CPSF3: variants seen among roughly 807,000 people sequenced by gnomAD.
CPSF3 encodes the protein cleavage and polyadenylation specificity factor subunit 3.
Under a neutral mutation model 84.1 loss-of-function variants are expected in CPSF3, and 57 were observed. The observed-to-expected ratio is 0.68, with a 90% CI of 0.55 to 0.85. The LOEUF (loss-of-function observed/expected upper bound fraction) is 0.85, where lower values mean the gene tolerates loss of function less well. Ranked by LOEUF, CPSF3 falls within the 40% of genes least tolerant of loss-of-function variation. The pLI is 0.00. For missense variants in CPSF3, 522 were observed against 838.8 expected (o/e 0.62, Z 4.66); for synonymous variants, 275 against 278.1 (o/e 0.99, Z 0.11).
Position 9,457,056 on chromosome 2 carries a change from G to T in CPSF3, c.1698+29G>T, listed in dbSNP as rs543094913. The T allele has an allele frequency of 3.1e-5, 42 of 1,350,630 alleles. 1 individual carries two copies. In the South Asian group the frequency reaches 4.9e-4, roughly 16 times the overall value. 83.7% of individuals were successfully genotyped at this position (1,350,630 alleles called of 1,614,324 possible). ...AGAAAAGATCATTTACCTAAACAAT[G>T]AGGGGAAAAAAGTTTTAAAAAGAGT... On this transcript the variant is annotated intron_variant, in intron 14 of 17. Coordinates refer to ENST00000238112, the MANE Select transcript of CPSF3 (RefSeq NM_016207.4).
chr2:9,450,195 A>G (rs1681270358), intron 11 of CPSF3, among the ~76,000 whole-genome samples: 1 of 144,116 alleles, frequency 6.9e-6, no homozygotes, highest in Admixed American at 7.3e-5. Context: ...TCTGTCGCCC[A>G]GGCTGGAGTG....
chr2:9,457,106 A>AAG (rs746213782), intron 14 of CPSF3, 79 bp downstream of exon 14: 1 of 757,044 alleles, frequency 1.3e-6, no homozygotes, highest in Non-Finnish European at 2.2e-6. Flanking sequence ...AGAGAAAATT[A>AAG]GTTTCTTCCC....
At position 9,473,075 on chromosome 2, in the gene CPSF3, A is replaced by C; in HGVS notation, c.*58A>C. ...CTTGACTCTACTTTTGTTACCTAAA[A>C]TAAAATGCATTCGTTTCTCTGGGGG... On this transcript the variant is annotated 3_prime_UTR_variant, in exon 18 of 18. Coordinates refer to ENST00000238112, the MANE Select transcript of CPSF3 (RefSeq NM_016207.4). 1 of 1,224,014 alleles carries C rather than the reference A, an allele frequency of 8.2e-7. No individual in the cohort carries two copies. The highest frequency in any genetic ancestry group is 1.3e-5 in the South Asian group (1 of 79,330). 75.8% of individuals were successfully genotyped at this position (1,224,014 alleles called of 1,614,324 possible).
At chr2:9,470,447 C>T (rs1218420864) in intron 16 of CPSF3, among the ~76,000 whole-genome samples, 1 of 152,198 alleles carries the variant, frequency 6.6e-6, no homozygotes, top group Non-Finnish European at 1.5e-5. Flanking sequence ...TGCATTCAGC[C>T]TGCTGGTGGA....
chr2:9,462,836 A>G (rs1410550378), intron 15 of CPSF3, among the ~76,000 whole-genome samples: 1 of 152,198 alleles, frequency 6.6e-6, no homozygotes. Context: ...TTCATTGCAG[A>G]CAGGTTAGAA....
In CPSF3 at chr2:9,467,690, G is replaced by T; in HGVS notation, c.1787-17G>T. 1 of 1,565,424 alleles carries T rather than the reference G, an allele frequency of 6.4e-7. No homozygotes were observed. Among genetic ancestry groups the T allele is most frequent in the Non-Finnish European group, 8.7e-7 (1 of 1,146,136 alleles). On this transcript the variant is annotated splice_polypyrimidine_tract_variant and intron_variant, in intron 15 of 17. Transcript: ENST00000238112. ...GAATTTAGAAACTGAACTCTCTGTCGCTTTTTTTTTTCCCAGGTGCAGTAC... is the reference window on the plus strand; with the variant it reads ...GAATTTAGAAACTGAACTCTCTGTCTCTTTTTTTTTTCCCAGGTGCAGTAC...
chr2:9,461,743 C>CTTT (rs530424404), intron 15 of CPSF3, among the ~76,000 whole-genome samples: 25 of 105,274 alleles, frequency 2.4e-4, no homozygotes, highest in African/African-American at 8.7e-4. Flanking sequence ...GAAGGAGGAT[C>CTTT]TTTTTTTTTT....
chr2:9,431,934 G>A (rs1347852140), intron 4 of CPSF3, among the ~76,000 whole-genome samples: 1 of 152,108 alleles, frequency 6.6e-6, no homozygotes, highest in African/African-American at 2.4e-5. Flanking sequence ...TGAAACTGAG[G>A]CACAGCGAGG....
intron 5 of CPSF3, among the ~76,000 whole-genome samples, chr2:9,433,161 C>T (rs1047821464): frequency 6.6e-6 from 1 of 152,154 alleles, no homozygotes; most frequent in African/African-American, 2.4e-5. Flanking sequence ...CTTCTGACAA[C>T]GTGGGTGGGC....
chr2:9,440,799 A>G, intron 8 of CPSF3, 133 bp downstream of exon 8: 4 of 810,052 alleles, frequency 4.9e-6, no homozygotes, highest in Non-Finnish European at 7.7e-6. Context: ...GAGGATCACT[A>G]GAACTCAGGA....
At chr2:9,444,336 C>T (rs1572782857) in intron 10 of CPSF3, among the ~76,000 whole-genome samples, 1 of 151,646 alleles carries the variant, frequency 6.6e-6, no homozygotes. Flanking sequence ...CCGTCTTGGC[C>T]GGGCTGGTCT....
intron 10 of CPSF3, among the ~76,000 whole-genome samples, chr2:9,446,513 G>A (rs1032360165): frequency 1.1e-4 from 16 of 151,304 alleles, no homozygotes; most frequent in Non-Finnish European, 2.1e-4. Context: ...CCTGGGAGGC[G>A]GAGCTTGCAG....
intron 11 of CPSF3, 110 bp downstream of exon 11, chr2:9,448,460 C>A: frequency 1.1e-6 from 1 of 883,714 alleles, no homozygotes. Flanking sequence ...TTTCTGTCTA[C>A]TTGTTACACT....
chr2:9,466,595 CTAAATAAA>C (rs61442524), intron 15 of CPSF3, among the ~76,000 whole-genome samples: 8 of 151,868 alleles, frequency 5.3e-5, no homozygotes, highest in Non-Finnish European at 8.8e-5. Context: ...GACCCTGTCT[CTAAATAAA>C]TAAATAAATA....
intron 1 of CPSF3, among the ~76,000 whole-genome samples, chr2:9,425,250 C>T (rs1680340625): frequency 6.6e-6 from 1 of 152,136 alleles, no homozygotes; most frequent in African/African-American, 2.4e-5. Context: ...GCAGATGAAG[C>T]GACAGGCAGT....
chr2:9,473,025 C>T lies in CPSF3; in HGVS notation c.*8C>T. The stretch of plus-strand genomic sequence containing the variant: ...CTGACGCCAGTTCACTGAGACTGTG[C>T]CTGTATATGAACTTTGAAAAAATAC... On this transcript the variant is annotated 3_prime_UTR_variant, in exon 18 of 18. Coordinates refer to ENST00000238112, the MANE Select transcript of CPSF3 (RefSeq NM_016207.4). 12 of 1,596,280 alleles carry T rather than the reference C, an allele frequency of 7.5e-6. No homozygotes were observed. In the South Asian group the frequency reaches 8.8e-5, roughly 12 times the overall value.
At position 9,426,997 on chromosome 2, in the gene CPSF3, T is replaced by A. The variant is rs1680417746; in HGVS notation, c.51-1768T>A. Among the ~76,000 whole-genome samples, 3 of 151,638 alleles carry A rather than the reference T, an allele frequency of 2.0e-5. 1 individual carries two copies. In the South Asian group the frequency reaches 6.2e-4, roughly 32 times the overall value. On this transcript the variant is annotated intron_variant, in intron 1 of 17. Transcript: ENST00000238112. Reference sequence around the variant, plus strand: ...TAGAAGGTGAGGAAGTACAAGAGGGTCCACTGCCCTGGGAGGTGGTCTGGG... The same window carrying A: ...TAGAAGGTGAGGAAGTACAAGAGGGACCACTGCCCTGGGAGGTGGTCTGGG...
intron 16 of CPSF3, 127 bp downstream of exon 16, chr2:9,467,903 C>T (rs1248931254): frequency 2.9e-6 from 2 of 687,024 alleles, no homozygotes; most frequent in Non-Finnish European, 5.0e-6. Flanking sequence ...GCTCGGAGGC[C>T]TGCTTCTCTG....
chr2:9,447,558 GGT>G (rs2124834449), intron 10 of CPSF3, among the ~76,000 whole-genome samples: 1 of 151,994 alleles, frequency 6.6e-6, no homozygotes, highest in Non-Finnish European at 1.5e-5. Context: ...GGCCAAGGTG[GGT>G]GTCAAGAGTT....
Sources: allele counts gnomAD v4.1 joint callset (sites outside exome capture counted in the v4.1 genomes callset), GRCh38; gene constraint gnomAD v4.1.1; transcripts MANE v1.5; gene names NCBI Gene and HGNC (gene_info 2026-07-23, HGNC 2026-07-21).